The following DLGAP4 variants were observed in gnomAD, a reference collection of about 807,000 sequenced individuals.
DLGAP4 encodes the protein disks large-associated protein 4.
In DLGAP4, 18 loss-of-function variants were observed where a neutral mutation model predicts 86.9. The ratio of observed to expected loss-of-function variants is 0.21; its 90% CI spans 0.14 to 0.31. The LOEUF is 0.31. DLGAP4 is among the 10% of genes least tolerant of loss of function. The pLI, the probability that DLGAP4 is intolerant of heterozygous loss-of-function variation, is 1.00. For missense variants in DLGAP4, 1,085 were observed against 1,362.6 expected (o/e 0.80, Z 3.21); for synonymous variants, 548 against 574.3 (o/e 0.95, Z 0.65).
At chr20:36,380,788 C>T (rs2031362728) in intron 2 of DLGAP4, among the ~76,000 whole-genome samples, 1 of 152,248 alleles carries the variant, frequency 6.6e-6, no homozygotes, top group African/African-American at 2.4e-5. Flanking sequence ...GGCTGCTCCT[C>T]TGCCATGTGC....
intron 1 of DLGAP4, among the ~76,000 whole-genome samples, chr20:36,332,995 AG>A (rs1312340228): frequency 6.6e-6 from 1 of 152,326 alleles, no homozygotes; most frequent in Non-Finnish European, 1.5e-5. Context: ...TCTCAGATGC[AG>A]GATGTAGTCT....
chr20:36,514,407 T>C (rs557555800), intron 10 of DLGAP4, among the ~76,000 whole-genome samples: 7 of 152,184 alleles, frequency 4.6e-5, no homozygotes, highest in African/African-American at 1.7e-4. Flanking sequence ...GACAGCTGTT[T>C]CGTTGTTGTT....
At chr20:36,461,918 GAGCGCT>G in intron 7 of DLGAP4, 1 of 984,636 alleles carries the variant, frequency 1.0e-6, no homozygotes, top group Non-Finnish European at 1.2e-6. Context: ...CCCCTTCTCA[GAGCGCT>G]CTTCAGCCCT....
chr20:36,329,741 A>C (rs2065249153), intron 1 of DLGAP4, among the ~76,000 whole-genome samples: 1 of 152,208 alleles, frequency 6.6e-6, no homozygotes, highest in Non-Finnish European at 1.5e-5. Context: ...TACTAAAAAT[A>C]CAAAAATTAG....
chr20:36,432,083 C>T lies in DLGAP4; in HGVS notation c.366C>T (p.Leu122=), dbSNP rs1230761651. The change falls in exon 3 of 13, where the codon CTC becomes CTT. Residue 122 remains leucine, a synonymous_variant. Coordinates refer to ENST00000339266, the MANE Select transcript of DLGAP4 (RefSeq NM_001365621.2). The surrounding 1 kb of genome is among the most constrained non-coding windows in gnomAD (Gnocchi z 6.5). ...LPIHRDGFST[L]QFPRGEAKAR... is the part of the protein sequence containing the mutation. ...TCCACCGTGATGGCTTCAGCACCCT[C>T]CAATTTCCCCGTGGCGAGGCCAAGG... is the stretch of plus-strand genomic sequence containing the variant. 8.7e-6 allele frequency: 14 copies of T among 1,614,202 alleles called. No individual in the cohort carries two copies. Among genetic ancestry groups the T allele is most frequent in the African/African-American group, 1.3e-5 (1 of 75,068 alleles).
At chr20:36,402,904 T>C (rs1224922396) in intron 2 of DLGAP4, among the ~76,000 whole-genome samples, 1 of 152,156 alleles carries the variant, frequency 6.6e-6, no homozygotes, top group Non-Finnish European at 1.5e-5. Flanking sequence ...GTGTGTTGGA[T>C]TCTGTAGCTG....
chr20:36,381,878 T>C (rs2031405978), intron 2 of DLGAP4, among the ~76,000 whole-genome samples: 1 of 152,172 alleles, frequency 6.6e-6, no homozygotes, highest in Non-Finnish European at 1.5e-5. Flanking sequence ...AAGAGACACC[T>C]GTGGCAGCGA....
intron 1 of DLGAP4, among the ~76,000 whole-genome samples, chr20:36,325,215 C>A (rs1034640840): frequency 1.3e-5 from 2 of 152,030 alleles, no homozygotes; most frequent in East Asian, 3.8e-4. Context: ...CTCTTTGACC[C>A]ATGGGTTTTT....
At chr20:36,311,294 G>A (rs926769134) in intron 1 of DLGAP4, among the ~76,000 whole-genome samples, 4 of 152,266 alleles carry the variant, frequency 2.6e-5, no homozygotes, top group African/African-American at 7.2e-5. Flanking sequence ...GGAGGGCAGC[G>A]TTTAGGGGCT....
At chr20:36,394,434 G>A (rs2031881899) in intron 2 of DLGAP4, among the ~76,000 whole-genome samples, 1 of 152,166 alleles carries the variant, frequency 6.6e-6, no homozygotes, top group Non-Finnish European at 1.5e-5. Flanking sequence ...CCCACTGGGT[G>A]CTGCCCCCTT....
rs1310559128 is a variant in DLGAP4 at position 36,431,806 on chromosome 20, A to G, written c.89A>G (p.Asn30Ser). Residue 30 changes from asparagine to serine, a missense_variant, in exon 3 of 13, where the codon AAC becomes AGC. Physicochemically the swap from Asn to Ser is conservative, Grantham distance 46 (BLOSUM62 1). This residue lies in a region of DLGAP4 where 1,082 missense variants were observed against 1,344.1 expected (regional missense o/e 0.81). Coordinates refer to ENST00000339266, the MANE Select transcript of DLGAP4 (RefSeq NM_001365621.2). The surrounding 1 kb of genome is among the most constrained non-coding windows in gnomAD (Gnocchi z 5.1). ...CCCCTGTTTGCAGGGACCGACCGCA[A>G]CCCCTACCTGCTGTCGCCCACGGAG... ...HEPLFAGTDR[N>S]PYLLSPTEAF... 6.2e-7 allele frequency: 1 copy of G among 1,612,932 alleles called. No homozygotes were observed. The highest frequency in any genetic ancestry group is 8.5e-7 in the Non-Finnish European group (1 of 1,179,694).
chr20:36,421,714 A>G (rs2032833647), intron 2 of DLGAP4, among the ~76,000 whole-genome samples: 1 of 151,868 alleles, frequency 6.6e-6, no homozygotes, highest in African/African-American at 2.4e-5. Flanking sequence ...AAGCAGGAGG[A>G]TGATGTTGTC....
At chr20:36,322,449 G>T (rs1237570173) in intron 1 of DLGAP4, among the ~76,000 whole-genome samples, 1 of 152,160 alleles carries the variant, frequency 6.6e-6, no homozygotes, top group Non-Finnish European at 1.5e-5. Flanking sequence ...GCTTATTAGG[G>T]GCTTGACTTC....
intron 7 of DLGAP4, chr20:36,462,399 C>CTTAAAA: frequency 7.1e-7 from 1 of 1,412,832 alleles, no homozygotes; most frequent in Non-Finnish European, 9.1e-7. Flanking sequence ...CACTCTGTGC[C>CTTAAAA]TCTTGCGCTG....
intron 7 of DLGAP4, among the ~76,000 whole-genome samples, chr20:36,477,848 C>T (rs956526965): frequency 4.6e-5 from 7 of 152,178 alleles, no homozygotes; most frequent in African/African-American, 1.7e-4. Flanking sequence ...AGTGGAGACC[C>T]AGAAATACAG....
chr20:36,458,966 G>C (rs1253572580), intron 7 of DLGAP4, among the ~76,000 whole-genome samples: 1 of 152,214 alleles, frequency 6.6e-6, no homozygotes, highest in Non-Finnish European at 1.5e-5. Flanking sequence ...ACACAGCCAG[G>C]TCGCGTGGGG....
At chr20:36,311,320 A>G (rs992685169) in intron 1 of DLGAP4, among the ~76,000 whole-genome samples, 6,725 of 151,950 alleles carry the variant, frequency 0.044, 495 homozygotes, top group African/African-American at 0.15. Flanking sequence ...CTTGCAGATC[A>G]CACATTATTT....
chr20:36,380,871 A>G (rs1206028353), intron 2 of DLGAP4, among the ~76,000 whole-genome samples: 1 of 152,156 alleles, frequency 6.6e-6, no homozygotes, highest in Admixed American at 6.5e-5. Context: ...CCTACCAGGG[A>G]AACAAAGACT....
At position 36,436,102 on chromosome 20, in the gene DLGAP4, T is replaced by TC; in HGVS notation, c.1000-3dup. On this transcript the variant is annotated splice_polypyrimidine_tract_variant and splice_region_variant and intron_variant, in intron 3 of 12. Transcript: ENST00000339266. ...TGGCCCCACTGAGTCCTGTGCCCCATCCCCAGGTGCCCGGCGGCGGCGGCG... is the reference window on the plus strand; with the variant it reads ...TGGCCCCACTGAGTCCTGTGCCCCATCCCCCAGGTGCCCGGCGGCGGCGGCG... The TC allele has an allele frequency of 6.4e-7, 1 of 1,565,930 alleles. No homozygotes were observed. Among genetic ancestry groups the TC allele is most frequent in the Non-Finnish European group, 8.6e-7 (1 of 1,163,692 alleles).
Sources: gnomAD v4.1 joint callset for allele counts (sites outside exome capture counted in the v4.1 genomes callset) on GRCh38, gnomAD v4.1.1 for gene constraint, gnomAD v4.1.1 regional missense constraint, Gnocchi (gnomAD v3.1) non-coding constraint, MANE v1.5 for transcripts, NCBI Gene and HGNC (gene_info 2026-07-23, HGNC 2026-07-21) for gene names.